Variants in AKNA observed in about 807,000 individuals in gnomAD.
AKNA encodes AT-hook transcription factor.
A neutral mutation model predicts 138.8 loss-of-function variants in AKNA; 67 were observed. The observed-to-expected ratio is 0.48, with a 90% confidence interval of 0.40 to 0.59. The LOEUF (loss-of-function observed/expected upper bound fraction) is 0.59, where lower values mean the gene tolerates loss of function less well. AKNA is among the 20% of genes least tolerant of loss of function. The pLI, the probability that AKNA is intolerant of heterozygous loss-of-function variation, is 0.00. For synonymous variants in AKNA, 737 were observed against 754.4 expected (o/e 0.98, Z 0.38); for missense variants, 1,813 against 1,880.4 (o/e 0.96, Z 0.66).
rs1280732357 is a variant in AKNA at position 114,373,805 on chromosome 9, G to C, written c.1416+288C>G. Among the ~76,000 whole-genome samples the C allele has an allele frequency of 6.0e-5, 9 of 149,734 alleles. No individual in the cohort carries two copies. The Admixed American group carries it at 6.0e-4, about 10-fold the overall frequency. On this transcript the variant is annotated intron_variant, in intron 4 of 21. Coordinates refer to ENST00000374088, the MANE Select transcript of AKNA (RefSeq NM_001317950.2). ...GGAGGCTGAAGCAAGAGGATCCCTT[G>C]AGCCCAGGAGGTTGAGATTGCAGTA...
chr9:114,347,527 T>C (rs1477586077), intron 16 of AKNA, among the ~76,000 whole-genome samples, 197 bp downstream of exon 16: 1 of 152,258 alleles, frequency 6.6e-6, no homozygotes, highest in Non-Finnish European at 1.5e-5. Context: ...TATTCTTTAT[T>C]ATTAACATAG....
At chr9:114,372,950 G>C (rs1394485582) in intron 4 of AKNA, among the ~76,000 whole-genome samples, 1 of 148,788 alleles carries the variant, frequency 6.7e-6, no homozygotes, top group African/African-American at 2.5e-5. Flanking sequence ...CAGGCAGCAG[G>C]TGTGGGGACG....
chr9:114,361,472 G>T (rs1413850786), intron 9 of AKNA, among the ~76,000 whole-genome samples: 1 of 151,860 alleles, frequency 6.6e-6, no homozygotes, highest in Non-Finnish European at 1.5e-5. Flanking sequence ...CAACTCTACA[G>T]AAAACTCTGT....
At chr9:114,391,109 G>A (rs1834322533), upstream of AKNA, among the ~76,000 whole-genome samples, 1 of 152,168 alleles carries the variant, frequency 6.6e-6, no homozygotes, top group African/African-American at 2.4e-5. Context: ...AGGCTGATGT[G>A]ACAACCCCAT....
At chr9:114,394,912 C>G (rs1016653792), upstream of AKNA, among the ~76,000 whole-genome samples, 2 of 152,224 alleles carry the variant, frequency 1.3e-5, no homozygotes, top group African/African-American at 2.4e-5. Flanking sequence ...CACTCTGGCC[C>G]TGATCCCAGG....
At chr9:114,394,789 T>C (rs1230109445), upstream of AKNA, among the ~76,000 whole-genome samples, 1 of 152,216 alleles carries the variant, frequency 6.6e-6, no homozygotes, top group African/African-American at 2.4e-5. Context: ...ATCCTCCAGA[T>C]GAATCCTTAG....
chr9:114,341,130 T>G (rs2131778120), intron 21 of AKNA, among the ~76,000 whole-genome samples: 1 of 152,300 alleles, frequency 6.6e-6, no homozygotes, highest in South Asian at 2.1e-4. Flanking sequence ...TCAATTTCCC[T>G]ATAAATCTAA....
chr9:114,389,290 T>G (rs1834243219), upstream of AKNA, among the ~76,000 whole-genome samples: 1 of 151,882 alleles, frequency 6.6e-6, no homozygotes, highest in African/African-American at 2.4e-5. Flanking sequence ...CTCCCAACAC[T>G]GGCCCCACCC....
chr9:114,388,839 T>A (rs949135999), upstream of AKNA, among the ~76,000 whole-genome samples: 2 of 152,176 alleles, frequency 1.3e-5, no homozygotes, highest in Non-Finnish European at 2.9e-5. Flanking sequence ...AGCACATGTA[T>A]AATTTCAAGG....
chr9:114,346,171 C>T (rs571894734), intron 17 of AKNA, among the ~76,000 whole-genome samples, 162 bp from the exon 18 acceptor site: 5 of 152,318 alleles, frequency 3.3e-5, no homozygotes, highest in Admixed American at 3.3e-4. Context: ...ACCCTGCCCC[C>T]GTGCCAAGCG....
At position 114,350,902 on chromosome 9, in the gene AKNA, T is replaced by C; in HGVS notation, c.3178A>G (p.Thr1060Ala). Residue 1060 changes from threonine to alanine, a missense_variant, in exon 15 of 22, where the codon ACA becomes GCA. Thr to Ala is a moderately conservative substitution (Grantham distance 58). Coordinates refer to ENST00000374088, the MANE Select transcript of AKNA (RefSeq NM_001317950.2). ...AGCAGGAAGCTGGGGATGGTCTCTG[T>C]TGGTCCACAGGGTAGAGGCGCAGCG... ...PAAAPLPCGP[T>A]ETIPSFLLTR... 6.2e-7 allele frequency: 1 copy of C among 1,603,976 alleles called. No homozygotes were observed. The highest frequency in any genetic ancestry group is 8.5e-7 in the Non-Finnish European group (1 of 1,175,576).
At chr9:114,364,841 C>A (rs1334721871) in intron 6 of AKNA, among the ~76,000 whole-genome samples, 1 of 152,132 alleles carries the variant, frequency 6.6e-6, no homozygotes, top group Non-Finnish European at 1.5e-5. Flanking sequence ...AATTTACTGA[C>A]AACAAAGCAA....
chr9:114,331,531 C>T (rs1829850715), downstream of AKNA: 1 of 1,543,918 alleles, frequency 6.5e-7, no homozygotes, highest in Admixed American at 1.7e-5. Flanking sequence ...TTGTGCCATC[C>T]CATGTTCTCA....
chr9:114,340,338 C>T (rs2131773112), intron 21 of AKNA, among the ~76,000 whole-genome samples: 1 of 152,344 alleles, frequency 6.6e-6, no homozygotes, highest in African/African-American at 2.4e-5. Flanking sequence ...CTGCTGACAG[C>T]TGAGACAAGA....
intron 9 of AKNA, 52 bp from the exon 10 acceptor site, chr9:114,360,114 C>T (rs1296710249): frequency 1.2e-6 from 2 of 1,610,826 alleles, no homozygotes; most frequent in Non-Finnish European, 1.7e-6. Flanking sequence ...TTAAACACCA[C>T]TTTTAAGCAC....
At position 114,361,889 on chromosome 9, in the gene AKNA, G is replaced by T; in HGVS notation, c.1939C>A (p.Arg647Ser). The stretch of plus-strand genomic sequence containing the variant: ...AGCTCTTCCAGGCAGCTTCCCAGAC[G>T]GTATATCTCTGCCTCCAGCTCCCTG... The part of the protein sequence containing the change: ...PRRELEAEIY[R>S]LGSCLEELKE... The change falls in exon 9 of 22, where the codon CGT (arginine) becomes AGT (serine). Residue 647 changes from arginine (R) to serine (S), a missense_variant. By Grantham distance (110) the Arg-to-Ser change is moderately radical. Transcript: ENST00000374088. 1.2e-6 allele frequency: 2 copies of T among 1,604,198 alleles called. No individual in the cohort carries two copies. Among genetic ancestry groups the T allele is most frequent in the Non-Finnish European group, 1.7e-6 (2 of 1,179,952 alleles).
At chr9:114,368,801 G>T (rs2763185) in intron 4 of AKNA, among the ~76,000 whole-genome samples, 17,369 of 152,160 alleles carry the variant, frequency 0.11, 2,160 homozygotes, top group African/African-American at 0.32. Flanking sequence ...AGGAAGACAG[G>T]GTGGGGACCC....
At chr9:114,369,399 A>C (rs1832601834) in intron 4 of AKNA, among the ~76,000 whole-genome samples, 2 of 152,222 alleles carry the variant, frequency 1.3e-5, no homozygotes, top group African/African-American at 4.8e-5. Context: ...AGAGTTGAGT[A>C]GTTGTGACAG....
intron 1 of AKNA, among the ~76,000 whole-genome samples, chr9:114,393,708 TTGTTA>T (rs1048779632): frequency 3.9e-5 from 6 of 152,022 alleles, no homozygotes; most frequent in East Asian, 1.9e-4. Flanking sequence ...TGTAAAAATT[TTGTTA>T]TGTTAAGTGG....
Sources: allele counts gnomAD v4.1 joint callset (sites outside exome capture counted in the v4.1 genomes callset), GRCh38; gene constraint gnomAD v4.1.1; transcripts MANE v1.5; gene names NCBI Gene and HGNC (gene_info 2026-07-23, HGNC 2026-07-21).